The following IGSF21 variants were observed in gnomAD, a reference collection of about 807,000 sequenced individuals.
IGSF21 encodes immunoglobin superfamily member 21.
Under a neutral mutation model 46.8 loss-of-function variants are expected in IGSF21, and 28 were observed. The ratio of observed to expected loss-of-function variants is 0.60; its 90% confidence interval spans 0.44 to 0.82. The LOEUF is 0.82. IGSF21 is among the 40% of genes least tolerant of loss of function. The probability of loss-of-function intolerance (pLI) is 0.00; values close to 1 mark genes in which losing one functional copy is unlikely to be tolerated. For missense variants in IGSF21, 624 were observed against 665.5 expected (o/e 0.94, Z 0.69); for synonymous variants, 284 against 273.6 (o/e 1.04, Z -0.38).
At chr1:18,113,257 G>C (rs2124399644) in intron 1 of IGSF21, 1 of 152,290 alleles carries the variant, frequency 6.6e-6, no homozygotes, top group Admixed American at 6.5e-5. Flanking sequence ...TTCCAGGGAA[G>C]ATTGGGGTGG....
At chr1:18,148,304 T>C (rs1483102473) in intron 1 of IGSF21, among the ~76,000 whole-genome samples, 1 of 151,974 alleles carries the variant, frequency 6.6e-6, no homozygotes, top group Non-Finnish European at 1.5e-5. Context: ...CTAATTTTTT[T>C]TGTATTTTTA....
At position 18,127,876 on chromosome 1, in the gene IGSF21, T is replaced by A. The variant is rs373606373; in HGVS notation, c.70+19678T>A. 3.3e-5 allele frequency among the ~76,000 whole-genome samples: 5 copies of A among 152,090 alleles called. 1 individual carries two copies. In the East Asian group the frequency reaches 9.6e-4, roughly 29 times the overall value. On this transcript the variant is annotated intron_variant, in intron 1 of 9. Coordinates refer to ENST00000251296, the MANE Select transcript of IGSF21 (RefSeq NM_032880.5). ...GTGAGCCATAATTATGCCACTGCAC[T>A]CCAGCCTGGGTGACGTAGCAAGACA...
intron 1 of IGSF21, among the ~76,000 whole-genome samples, chr1:18,170,119 A>C (rs1021136045): frequency 2.0e-5 from 3 of 152,164 alleles, no homozygotes; most frequent in Admixed American, 6.5e-5. Flanking sequence ...GAAGGTAAGG[A>C]GGGCATTCCA....
chr1:18,146,528 G>C (rs1456224499), intron 1 of IGSF21, among the ~76,000 whole-genome samples: 1 of 152,158 alleles, frequency 6.6e-6, no homozygotes, highest in Non-Finnish European at 1.5e-5. Flanking sequence ...ACAGTGAAGA[G>C]TCAGGCTTCT....
intron 1 of IGSF21, among the ~76,000 whole-genome samples, chr1:18,176,791 A>G (rs2086803290): frequency 6.6e-6 from 1 of 152,150 alleles, no homozygotes; most frequent in African/African-American, 2.4e-5. Flanking sequence ...GTAACCACAA[A>G]TGTAAATAAA....
chr1:18,292,285 A>G (rs223200), intron 3 of IGSF21, among the ~76,000 whole-genome samples: 463 of 152,364 alleles, frequency 3.0e-3, no homozygotes, highest in African/African-American at 0.011. Context: ...TGAGATACTG[A>G]GGCCCAGAGA....
chr1:18,273,445 ACTTT>A (rs1191486702), intron 2 of IGSF21, among the ~76,000 whole-genome samples: 2 of 40,048 alleles, frequency 5.0e-5, no homozygotes, highest in Non-Finnish European at 9.2e-5. Flanking sequence ...TTTCTTTCTC[ACTTT>A]CTTTCTTTCT....
At chr1:18,182,385 G>T (rs1224792949) in intron 1 of IGSF21, among the ~76,000 whole-genome samples, 1 of 152,016 alleles carries the variant, frequency 6.6e-6, no homozygotes, top group East Asian at 1.9e-4. Context: ...TGCCATGTTG[G>T]TCAGACTGGT....
At chr1:18,282,738 C>A (rs2085174183) in intron 2 of IGSF21, among the ~76,000 whole-genome samples, 1 of 151,986 alleles carries the variant, frequency 6.6e-6, no homozygotes, top group Admixed American at 6.5e-5. Context: ...TGGGTGCAGG[C>A]ATTGTGCATG....
chr1:18,367,249 C>T (rs1046590544), intron 6 of IGSF21, among the ~76,000 whole-genome samples: 2 of 152,210 alleles, frequency 1.3e-5, no homozygotes, highest in Admixed American at 1.3e-4. Flanking sequence ...GAAAACCCAA[C>T]ACCTCCTCAG....
At position 18,321,841 on chromosome 1, in the gene IGSF21, C is replaced by G. The variant is rs958847521; in HGVS notation, c.306-13051C>G. ...GGAGCCTGGCTGCAGGGTTCAGGACCCAGCTTTGACACTCTCTGGTTGAGT... is the reference window on the plus strand; with the variant it reads ...GGAGCCTGGCTGCAGGGTTCAGGACGCAGCTTTGACACTCTCTGGTTGAGT... On this transcript the variant is annotated intron_variant, in intron 3 of 9. Coordinates refer to ENST00000251296, the MANE Select transcript of IGSF21 (RefSeq NM_032880.5). Among the ~76,000 whole-genome samples, 8 of 152,324 alleles carry G rather than the reference C, an allele frequency of 5.3e-5. 1 individual carries two copies. In the South Asian group the frequency reaches 6.2e-4, roughly 12 times the overall value.
chr1:18,129,346 G>GGA (rs1241402713), intron 1 of IGSF21, among the ~76,000 whole-genome samples: 4 of 152,156 alleles, frequency 2.6e-5, no homozygotes, highest in African/African-American at 7.2e-5. Flanking sequence ...AGGCAGGAAA[G>GGA]GAGTGCTGGG....
chr1:18,152,183 G>A (rs2086526935), intron 1 of IGSF21, among the ~76,000 whole-genome samples: 1 of 152,156 alleles, frequency 6.6e-6, no homozygotes, highest in African/African-American at 2.4e-5. Context: ...TTCCTTTTGA[G>A]GACCGACTGC....
chr1:18,169,794 G>A (rs1304678283), intron 1 of IGSF21, among the ~76,000 whole-genome samples: 1 of 152,192 alleles, frequency 6.6e-6, no homozygotes, highest in Admixed American at 6.5e-5. Context: ...TGGGGCTCCT[G>A]GTCCACAGTG....
intron 4 of IGSF21, among the ~76,000 whole-genome samples, chr1:18,343,268 G>A (rs954725593): frequency 6.6e-6 from 1 of 152,106 alleles, no homozygotes; most frequent in African/African-American, 2.4e-5. Context: ...TCTACTCAGA[G>A]CCTTTGGTCA....
intron 1 of IGSF21, among the ~76,000 whole-genome samples, chr1:18,131,437 T>G (rs2086320972): frequency 6.6e-6 from 1 of 152,226 alleles, no homozygotes; most frequent in Non-Finnish European, 1.5e-5. Context: ...TGTGTGATGC[T>G]GGGCAAGTTA....
At chr1:18,161,425 C>G (rs2086621529) in intron 1 of IGSF21, among the ~76,000 whole-genome samples, 1 of 152,150 alleles carries the variant, frequency 6.6e-6, no homozygotes, top group Admixed American at 6.5e-5. Flanking sequence ...GCCCTGTATT[C>G]TGAGCCTGCA....
intron 4 of IGSF21, among the ~76,000 whole-genome samples, chr1:18,359,383 A>G (rs11580579): frequency 0.034 from 2,071 of 60,816 alleles, 110 homozygotes; most frequent in African/African-American, 0.039. Flanking sequence ...AGAAAGAAAG[A>G]AAGGAAGGAA....
rs1007395529 is a variant in IGSF21 at position 18,322,406 on chromosome 1, G to T, written c.306-12486G>T. Among the ~76,000 whole-genome samples the T allele has an allele frequency of 6.6e-6, 1 of 152,026 alleles. No individual in the cohort carries two copies. Among genetic ancestry groups the T allele is most frequent in the African/African-American group, 2.4e-5 (1 of 41,390 alleles). On this transcript the variant is annotated intron_variant, in intron 3 of 9. Coordinates refer to ENST00000251296, the MANE Select transcript of IGSF21 (RefSeq NM_032880.5). The surrounding 1 kb of genome is among the most constrained non-coding windows in gnomAD (Gnocchi z 4.3). ...CAGGCTTGGTTCCAACAGGCTTGGG[G>T]CCTTCCTGATGCCAGCTCTCACCCA...
Sources: allele counts gnomAD v4.1 joint callset (sites outside exome capture counted in the v4.1 genomes callset), GRCh38; gene constraint gnomAD v4.1.1; non-coding constraint Gnocchi (gnomAD v3.1); transcripts MANE v1.5; gene names NCBI Gene and HGNC (gene_info 2026-07-23, HGNC 2026-07-21).